Variants in APBB2 observed in about 807,000 individuals in gnomAD.
The protein encoded by APBB2 is Fe65-like 1.
Under a neutral mutation model 82.5 loss-of-function variants are expected in APBB2, and 38 were observed. That is an observed-to-expected ratio of 0.46 (90% CI 0.36 to 0.60). APBB2 has a LOEUF of 0.60. Ranked by LOEUF, APBB2 falls within the 20% of genes least tolerant of loss-of-function variation. APBB2 has a pLI of 0.00. For synonymous variants in APBB2, 341 were observed against 368.2 expected (o/e 0.93, Z 0.85); for missense variants, 772 against 972.3 (o/e 0.79, Z 2.74).
chr4:41,116,621 A>G (rs1241096682), intron 2 of APBB2, among the ~76,000 whole-genome samples: 1 of 152,086 alleles, frequency 6.6e-6, no homozygotes, highest in African/African-American at 2.4e-5. Context: ...ACAAGAGCGA[A>G]ACTCTGTCTC....
chr4:41,017,743 T>C (rs1810415149), intron 5 of APBB2, among the ~76,000 whole-genome samples: 1 of 152,030 alleles, frequency 6.6e-6, no homozygotes, highest in South Asian at 2.1e-4. Flanking sequence ...CTCTAATTGG[T>C]CTGAGTGATT....
intron 11 of APBB2, among the ~76,000 whole-genome samples, chr4:40,891,834 G>A (rs191787993): frequency 1.4e-4 from 21 of 152,112 alleles, no homozygotes; most frequent in Admixed American, 8.5e-4. Flanking sequence ...TCACATATTA[G>A]TGTAAGTCAC....
chr4:40,922,229 C>A (rs987553437), intron 10 of APBB2, among the ~76,000 whole-genome samples: 4 of 152,224 alleles, frequency 2.6e-5, no homozygotes, highest in Non-Finnish European at 5.9e-5. Context: ...TCAATTCCAG[C>A]AGCACTGTAA....
intron 3 of APBB2, among the ~76,000 whole-genome samples, chr4:41,079,617 C>T (rs1056000395): frequency 2.0e-5 from 3 of 150,492 alleles, no homozygotes; most frequent in African/African-American, 4.9e-5. Flanking sequence ...GGCACAATCT[C>T]GGCTCACTGC....
At chr4:40,888,645 C>T (rs1403973558) in intron 12 of APBB2, among the ~76,000 whole-genome samples, 1 of 151,284 alleles carries the variant, frequency 6.6e-6, no homozygotes, top group Non-Finnish European at 1.5e-5. Context: ...ACTTTGGCTC[C>T]TGCCTCGCAC....
At chr4:41,067,143 C>T (rs1460521831) in intron 3 of APBB2, among the ~76,000 whole-genome samples, 1 of 152,218 alleles carries the variant, frequency 6.6e-6, no homozygotes, top group Non-Finnish European at 1.5e-5. Context: ...GCATCAGTGG[C>T]TCACGCCTGT....
chr4:41,130,353 C>T (rs751366966), intron 2 of APBB2, among the ~76,000 whole-genome samples: 6 of 152,170 alleles, frequency 3.9e-5, no homozygotes, highest in Non-Finnish European at 7.3e-5. Flanking sequence ...AGTCCTGACT[C>T]GACCTTCAGC....
At chr4:40,819,405 C>G (rs1215626588) in intron 17 of APBB2, among the ~76,000 whole-genome samples, 1 of 151,822 alleles carries the variant, frequency 6.6e-6, no homozygotes, top group Non-Finnish European at 1.5e-5. Flanking sequence ...AGGCTGGTCT[C>G]AACCTCCTGA....
At chr4:40,852,541 A>C (rs556758284) in intron 12 of APBB2, among the ~76,000 whole-genome samples, 13 of 152,258 alleles carry the variant, frequency 8.5e-5, no homozygotes, top group South Asian at 2.1e-4. Flanking sequence ...AAGGGTACTG[A>C]AGGGTGAAAA....
intron 2 of APBB2, among the ~76,000 whole-genome samples, chr4:41,117,115 C>G (rs2153987101): frequency 6.6e-6 from 1 of 152,158 alleles, no homozygotes; most frequent in Middle Eastern, 3.4e-3. Flanking sequence ...TTCTGACTCT[C>G]AGTGACACTC....
intron 2 of APBB2, among the ~76,000 whole-genome samples, chr4:41,130,948 T>C (rs919281597): frequency 2.6e-5 from 4 of 152,054 alleles, no homozygotes; most frequent in Non-Finnish European, 1.5e-5. Context: ...CTGCTCCACA[T>C]CATAAGGGCC....
chr4:41,009,617 T>C (rs955244867), intron 6 of APBB2, among the ~76,000 whole-genome samples: 1 of 152,180 alleles, frequency 6.6e-6, no homozygotes, highest in Non-Finnish European at 1.5e-5. Flanking sequence ...CTCCCCAAAG[T>C]GCAGTCTACG....
chr4:41,033,186 T>C, intron 5 of APBB2, 50 bp downstream of exon 5: 1 of 1,152,712 alleles, frequency 8.7e-7, no homozygotes, highest in Non-Finnish European at 1.3e-6. Flanking sequence ...TTTTTAAGTT[T>C]TAATATTCAA....
chr4:41,080,223 C>T (rs770669326), intron 3 of APBB2, among the ~76,000 whole-genome samples: 4 of 152,172 alleles, frequency 2.6e-5, no homozygotes, highest in Non-Finnish European at 5.9e-5. Context: ...CAGCATTCTG[C>T]AGCACATTTA....
intron 10 of APBB2, among the ~76,000 whole-genome samples, chr4:40,928,592 T>A (rs559187137): frequency 6.4e-4 from 90 of 140,582 alleles, no homozygotes; most frequent in Middle Eastern, 4.5e-3. Flanking sequence ...TAAATAATTT[T>A]AAAAAAAATG....
chr4:41,212,073 A>G (rs1779467576), intron 1 of APBB2, among the ~76,000 whole-genome samples: 1 of 152,248 alleles, frequency 6.6e-6, no homozygotes, highest in South Asian at 2.1e-4. Context: ...TTATTCTAAT[A>G]TTATGACAAG....
intron 1 of APBB2, among the ~76,000 whole-genome samples, chr4:41,209,983 T>C (rs1161134383): frequency 6.6e-6 from 1 of 152,136 alleles, no homozygotes; most frequent in Non-Finnish European, 1.5e-5. Flanking sequence ...CTGTTCCAAC[T>C]CAGATCAACA....
chr4:41,031,746 T>C lies in APBB2; in HGVS notation c.19+1490A>G, dbSNP rs1716913748. ...CTTGAAGATAAGACTATAATAATAA[T>C]CTATTAATAACCTATCTCATAAAAA... On this transcript the variant is annotated intron_variant, in intron 5 of 17. Coordinates refer to ENST00000508593, the MANE Select transcript of APBB2 (RefSeq NM_004307.2). Among the ~76,000 whole-genome samples, 3 of 152,196 alleles carry C rather than the reference T, an allele frequency of 2.0e-5. No individual in the cohort carries two copies. In the South Asian group the frequency reaches 6.2e-4, roughly 31 times the overall value.
chr4:41,131,811 G>A (rs993999380), intron 2 of APBB2, among the ~76,000 whole-genome samples: 1 of 152,064 alleles, frequency 6.6e-6, no homozygotes, highest in African/African-American at 2.4e-5. Context: ...AGGCCAAGGC[G>A]GGTGGATCAC....
Sources: gnomAD v4.1 joint callset for allele counts (sites outside exome capture counted in the v4.1 genomes callset) on GRCh38, gnomAD v4.1.1 for gene constraint, MANE v1.5 for transcripts, NCBI Gene and HGNC (gene_info 2026-07-23, HGNC 2026-07-21) for gene names.